The following SV2B variants were observed in gnomAD, a reference collection of about 807,000 sequenced individuals.
The protein encoded by SV2B is synaptic vesicle glycoprotein 2B, also known as solute carrier family 22 member B2.
A neutral mutation model predicts 73.9 loss-of-function variants in SV2B; 41 were observed. The ratio of observed to expected loss-of-function variants is 0.56; its 90% CI spans 0.43 to 0.72. The LOEUF is 0.72. Ranked by LOEUF, SV2B falls within the 30% of genes least tolerant of loss-of-function variation. The pLI is 0.00. For synonymous variants in SV2B, 314 were observed against 314.2 expected (o/e 1.00, Z 0.01); for missense variants, 764 against 857.8 (o/e 0.89, Z 1.37).
At chr15:91,212,004 GA>G (rs1050110488) in intron 1 of SV2B, among the ~76,000 whole-genome samples, 12 of 150,810 alleles carry the variant, frequency 8.0e-5, no homozygotes, top group African/African-American at 2.9e-4. Flanking sequence ...TCTACTGTGA[GA>G]AAAAAAAATG....
intron 2 of SV2B, among the ~76,000 whole-genome samples, chr15:91,235,576 G>A (rs1041386495): frequency 9.9e-5 from 15 of 152,114 alleles, no homozygotes; most frequent in African/African-American, 3.4e-4. Flanking sequence ...TCGAGGAGAA[G>A]TTCTTGCACA....
intron 1 of SV2B, among the ~76,000 whole-genome samples, chr15:91,131,039 G>A (rs1038520823): frequency 1.3e-5 from 2 of 151,782 alleles, no homozygotes; most frequent in Admixed American, 6.6e-5. Flanking sequence ...GGAGAAGGGA[G>A]TGGGTGAAGT....
Position 91,242,064 on chromosome 15 carries a change from C to T in SV2B, c.452-9755C>T, listed in dbSNP as rs1243945751. Among the ~76,000 whole-genome samples, 3 of 152,194 alleles carry T rather than the reference C, an allele frequency of 2.0e-5. No homozygotes were observed. Among genetic ancestry groups the T allele is most frequent in the East Asian group, 3.9e-4 (2 of 5,186 alleles). ...TCCACTTGCTCAGTTCAGCAGTCAG[C>T]TCTCATCCTCAGCTTATTCACCTGT... On this transcript the variant is annotated intron_variant, in intron 2 of 12. Transcript: ENST00000394232. This position sits in a 1 kb window ranked among gnomAD's most constrained non-coding sequence, Gnocchi z 4.9.
In SV2B at chr15:91,224,639, C is replaced by T. The variant is rs997154589; in HGVS notation, c.-391-1234C>T. On this transcript the variant is annotated intron_variant, in intron 1 of 12. Transcript: ENST00000394232. This position sits in a 1 kb window ranked among gnomAD's most constrained non-coding sequence, Gnocchi z 4.9. ...ACATTGGAACGAGCTGGCTTTGGGA[C>T]CAGTGACCTGGTCCTAATGCTGTGA... Among the ~76,000 whole-genome samples the T allele has an allele frequency of 6.6e-6, 1 of 152,180 alleles. No individual in the cohort carries two copies. Among genetic ancestry groups the T allele is most frequent in the Non-Finnish European group, 1.5e-5 (1 of 68,032 alleles).
At chr15:91,172,240 T>G (rs1332078331) in intron 1 of SV2B, among the ~76,000 whole-genome samples, 1 of 152,186 alleles carries the variant, frequency 6.6e-6, no homozygotes. Context: ...TCCCACAGCT[T>G]TCCCTGCCTG....
intron 1 of SV2B, among the ~76,000 whole-genome samples, chr15:91,175,775 A>G (rs1055943150): frequency 2.6e-5 from 4 of 151,762 alleles, no homozygotes; most frequent in Non-Finnish European, 4.4e-5. Flanking sequence ...TACTGCACAG[A>G]GACATACAAT....
Position 91,258,959 on chromosome 15 carries a change from G to T in SV2B, c.918+405G>T, listed in dbSNP as rs2047807994. ...AAAAAAAAATTAGTTGAGCGATTTG[G>T]TGCGTGCATGCCTGTGGTCCCATCT... On this transcript the variant is annotated intron_variant, in intron 5 of 12. Coordinates refer to ENST00000394232, the MANE Select transcript of SV2B (RefSeq NM_001323032.3). The surrounding 1 kb of genome is among the most constrained non-coding windows in gnomAD (Gnocchi z 4.7). 6.6e-6 allele frequency among the ~76,000 whole-genome samples: 1 copy of T among 151,690 alleles called. No homozygotes were observed. The highest frequency in any genetic ancestry group is 2.1e-4 in the South Asian group (1 of 4,802).
intron 1 of SV2B, among the ~76,000 whole-genome samples, chr15:91,213,967 C>T (rs1414299936): frequency 1.3e-5 from 2 of 152,216 alleles, no homozygotes; most frequent in Non-Finnish European, 2.9e-5. Flanking sequence ...AAAATGGAAT[C>T]ACCATTTCTC....
chr15:91,133,698 C>G (rs1439422879), intron 1 of SV2B, among the ~76,000 whole-genome samples: 1 of 152,126 alleles, frequency 6.6e-6, no homozygotes, highest in Non-Finnish European at 1.5e-5. Flanking sequence ...CACTTCCTGT[C>G]CCCAGGCAGC....
At chr15:91,107,777 T>C (rs1245922841) in intron 1 of SV2B, among the ~76,000 whole-genome samples, 1 of 152,072 alleles carries the variant, frequency 6.6e-6, no homozygotes, top group Non-Finnish European at 1.5e-5. Context: ...GCCCGGCTAA[T>C]TTTTAAATTT....
At chr15:91,243,890 C>T (rs771403866) in intron 2 of SV2B, among the ~76,000 whole-genome samples, 5 of 152,130 alleles carry the variant, frequency 3.3e-5, no homozygotes, top group South Asian at 2.1e-4. Context: ...CCAGGAGGGG[C>T]GGTTCTGCTC....
chr15:91,131,111 G>A (rs2042630131), intron 1 of SV2B, among the ~76,000 whole-genome samples: 1 of 151,286 alleles, frequency 6.6e-6, no homozygotes, highest in Non-Finnish European at 1.5e-5. Flanking sequence ...AAGGGTTTTG[G>A]AGATGGGGGG....
Position 91,217,012 on chromosome 15 carries a change from TG to T in SV2B, c.-391-8860del, listed in dbSNP as rs553477124. ...AAGTGATTCTCCTGCCTCAGCATCCTGAATAGCTGGGATTACAGGTGTGTGC... is the reference window on the plus strand; with the variant it reads ...AAGTGATTCTCCTGCCTCAGCATCCTAATAGCTGGGATTACAGGTGTGTGC... On this transcript the variant is annotated intron_variant, in intron 1 of 12. Coordinates refer to ENST00000394232, the MANE Select transcript of SV2B (RefSeq NM_001323032.3). Among the ~76,000 whole-genome samples the T allele has an allele frequency of 1.7e-4, 26 of 151,506 alleles. No homozygotes were observed. The East Asian group carries it at 4.9e-3, about 29-fold the overall frequency.
In SV2B at chr15:91,226,081, A is replaced by T. The variant is rs1178928284; in HGVS notation, c.-183A>T. 3.2e-6 allele frequency: 2 copies of T among 629,658 alleles called. No homozygotes were observed. The highest frequency in any genetic ancestry group is 6.3e-5 in the Admixed American group (2 of 31,638). The allele number at this position is 629,658 out of a possible 1,614,324, so 39.0% of individuals were successfully genotyped here. ...AAGGATATTTAGGTTGTCTTTGCAC[A>T]AATCTGGTTGATTTGAGAGATAAAG... On this transcript the variant is annotated 5_prime_UTR_variant, in exon 2 of 13. Transcript: ENST00000394232.
chr15:91,190,970 A>G (rs906462201), intron 1 of SV2B, among the ~76,000 whole-genome samples: 4 of 142,444 alleles, frequency 2.8e-5, no homozygotes, highest in African/African-American at 1.0e-4. Context: ...GTCTACCTTT[A>G]TTTATCATAC....
chr15:91,252,576 A>G lies in SV2B; in HGVS notation c.784+56A>G. On this transcript the variant is annotated intron_variant, in intron 4 of 12. Transcript: ENST00000394232. The surrounding 1 kb of genome is among the most constrained non-coding windows in gnomAD (Gnocchi z 4.6). ...CCCTGTTTCTATGGCTCCTGCACCC[A>G]AACAATAGTTCCTGTCCTCAGCCTT... 2.0e-6 allele frequency: 3 copies of G among 1,513,814 alleles called. No individual in the cohort carries two copies. The highest frequency in any genetic ancestry group is 2.7e-6 in the Non-Finnish European group (3 of 1,130,024). The allele number at this position is 1,513,814 out of a possible 1,614,324, so 93.8% of individuals were successfully genotyped here. A position where few individuals can be genotyped will look rare whatever the true frequency, so the allele number is the denominator to read the frequency against.
At chr15:91,176,501 C>T (rs1258887804) in intron 1 of SV2B, among the ~76,000 whole-genome samples, 2 of 152,090 alleles carry the variant, frequency 1.3e-5, no homozygotes, top group Admixed American at 1.3e-4. Flanking sequence ...GTTTACAGTC[C>T]CACCAACAGT....
At position 91,267,242 on chromosome 15, in the gene SV2B, G is replaced by A. The variant is rs1042467199; in HGVS notation, c.1120-313G>A. 4.6e-5 allele frequency among the ~76,000 whole-genome samples: 7 copies of A among 152,204 alleles called. No individual in the cohort carries two copies. The highest frequency in any genetic ancestry group is 8.8e-5 in the Non-Finnish European group (6 of 68,028). On this transcript the variant is annotated intron_variant, in intron 7 of 12. Coordinates refer to ENST00000394232, the MANE Select transcript of SV2B (RefSeq NM_001323032.3). This position sits in a 1 kb window ranked among gnomAD's most constrained non-coding sequence, Gnocchi z 4.3. Reference sequence around the variant, plus strand: ...TATCCCCCTTGCCCACAGGCAGGGAGTAGAACTCAGCAGTCAAGGTTACTC... The same window carrying A: ...TATCCCCCTTGCCCACAGGCAGGGAATAGAACTCAGCAGTCAAGGTTACTC...
Position 91,281,803 on chromosome 15 carries a change from A to G in SV2B, c.1449A>G (p.Thr483=), listed in dbSNP as rs143670009. The G allele has an allele frequency of 1.7e-5, 28 of 1,613,536 alleles. No homozygotes were observed. The highest frequency in any genetic ancestry group is 2.1e-5 in the Non-Finnish European group (25 of 1,179,650). ...FFDECYFEDV[T]STDTYFKNCT... is the part of the protein sequence containing the mutation. ...ACGAGTGCTATTTTGAAGACGTAAC[A>G]TCAACAGATACCTACTTCAAAAATT... The change falls in exon 10 of 13, where the codon ACA becomes ACG. Residue 483 remains threonine, a synonymous_variant. Coordinates refer to ENST00000394232, the MANE Select transcript of SV2B (RefSeq NM_001323032.3). This position sits in a 1 kb window ranked among gnomAD's most constrained non-coding sequence, Gnocchi z 4.7.
Sources: allele counts gnomAD v4.1 joint callset (sites outside exome capture counted in the v4.1 genomes callset), GRCh38; gene constraint gnomAD v4.1.1; non-coding constraint Gnocchi (gnomAD v3.1); transcripts MANE v1.5; gene names NCBI Gene and HGNC (gene_info 2026-07-23, HGNC 2026-07-21).